NIBAN2: variants seen among roughly 807,000 people sequenced by gnomAD.
NIBAN2 encodes the protein protein Niban 2.
NIBAN2 carries 36 observed loss-of-function variants against 81.8 expected under a neutral mutation model. The ratio of observed to expected loss-of-function variants is 0.44; its 90% confidence interval spans 0.34 to 0.58. NIBAN2 has a LOEUF of 0.58. Among genes scored for constraint, NIBAN2 ranks in the 20% least tolerant of loss-of-function variants. The pLI is 0.02. For missense variants in NIBAN2, 897 were observed against 1,014.1 expected (o/e 0.88, Z 1.57); for synonymous variants, 445 against 441.6 (o/e 1.01, Z -0.10).
intron 8 of NIBAN2, among the ~76,000 whole-genome samples, chr9:127,512,185 C>T (rs1836749608): frequency 6.6e-6 from 1 of 152,176 alleles, no homozygotes; most frequent in African/African-American, 2.4e-5. Context: ...AACTATTTGT[C>T]TCTTTTCTTC....
intron 8 of NIBAN2, among the ~76,000 whole-genome samples, chr9:127,513,276 T>C (rs1836768616): frequency 6.6e-6 from 1 of 151,798 alleles, no homozygotes; most frequent in Admixed American, 6.6e-5. Flanking sequence ...AGTAGAAAGA[T>C]GGTTACTAGA....
intron 1 of NIBAN2, among the ~76,000 whole-genome samples, chr9:127,556,210 C>T (rs1443432588): frequency 1.3e-5 from 2 of 152,228 alleles, no homozygotes; most frequent in African/African-American, 4.8e-5. Flanking sequence ...GGAATACAGG[C>T]AGGAGGAAGG....
intron 4 of NIBAN2, 150 bp from the exon 5 acceptor site, chr9:127,523,996 G>A: frequency 2.5e-6 from 2 of 785,236 alleles, no homozygotes; most frequent in Non-Finnish European, 4.0e-6. Context: ...AAGCCGGCGG[G>A]GGTGGGAGCA....
chr9:127,555,316 C>T (rs542432140), intron 1 of NIBAN2, among the ~76,000 whole-genome samples: 13 of 152,324 alleles, frequency 8.5e-5, no homozygotes, highest in African/African-American at 3.1e-4. Context: ...ACCACCCTTA[C>T]CAGCCCCCAT....
chr9:127,524,556 A>G (rs1274337659), intron 4 of NIBAN2, among the ~76,000 whole-genome samples: 1 of 152,166 alleles, frequency 6.6e-6, no homozygotes, highest in African/African-American at 2.4e-5. Flanking sequence ...AAACAAAGCC[A>G]GAGTCACGCT....
At chr9:127,514,026 T>C (rs1028219273) in intron 8 of NIBAN2, among the ~76,000 whole-genome samples, 1 of 152,186 alleles carries the variant, frequency 6.6e-6, no homozygotes, top group African/African-American at 2.4e-5. Flanking sequence ...CCCAGCACTT[T>C]GGGAGGCCGA....
At position 127,523,736 on chromosome 9, in the gene NIBAN2, C is replaced by A; in HGVS notation, c.532G>T (p.Ala178Ser). 6.2e-7 allele frequency: 1 copy of A among 1,614,048 alleles called. No individual in the cohort carries two copies. The highest frequency in any genetic ancestry group is 2.2e-5 in the East Asian group (1 of 44,870). The change falls in exon 5 of 14, where the codon GCC becomes TCC. Residue 178 changes from alanine (A) to serine (S), a missense_variant. By Grantham distance (99) the Ala-to-Ser change is moderately conservative. Around this residue, in one of 3 missense-constraint regions of NIBAN2, gnomAD observed 69 missense variants for 114.7 expected, o/e 0.60. Coordinates refer to ENST00000373312, the MANE Select transcript of NIBAN2 (RefSeq NM_022833.4). ...ACAGCCTGCCACTTGTCCTGCTCGGCTTCTGTCATCATGCAGAAGTAGTAG... is the reference window on the plus strand; with the variant it reads ...ACAGCCTGCCACTTGTCCTGCTCGGATTCTGTCATCATGCAGAAGTAGTAG... ...RHYYFCMMTE[A>S]EQDKWQAVLQ...
upstream of NIBAN2, chr9:127,579,001 G>C (rs890069611): frequency 7.0e-7 from 1 of 1,437,876 alleles, no homozygotes; most frequent in African/African-American, 1.4e-5. Flanking sequence ...CTCCTAGCAC[G>C]TCCTTGAGAG....
chr9:127,507,973 C>A lies in NIBAN2; in HGVS notation c.1548G>T (p.Leu516=). The change falls in exon 13 of 14, where the codon CTG becomes CTT. Residue 516 remains leucine (L), a synonymous_variant. Transcript: ENST00000373312. The surrounding 1 kb of genome is among the most constrained non-coding windows in gnomAD (Gnocchi z 6.8). ...KKLAPTCKSE[L]PRFQELIFED... ...CGAAGATCAGCTCCTGGAACCGGGG[C>A]AGCTCCTGCCCGGGTGGGGCGGCAG... The A allele has an allele frequency of 6.2e-7, 1 of 1,614,158 alleles. No individual in the cohort carries two copies. The highest frequency in any genetic ancestry group is 1.1e-5 in the South Asian group (1 of 91,084).
intron 1 of NIBAN2, among the ~76,000 whole-genome samples, chr9:127,544,800 G>C (rs535159130): frequency 1.3e-5 from 2 of 152,144 alleles, no homozygotes; most frequent in Non-Finnish European, 2.9e-5. Flanking sequence ...CACCGCACCC[G>C]GCCATGGCTG....
At position 127,559,269 on chromosome 9, in the gene NIBAN2, G is replaced by T. The variant is rs879452815; in HGVS notation, c.55+9551C>A. ...TTTCAGAGCAAGCTCTTCCTTCAAC[G>T]GCAAGATGGCCTCCTGCAATGTGGA... On this transcript the variant is annotated intron_variant, in intron 1 of 13. Coordinates refer to ENST00000373312, the MANE Select transcript of NIBAN2 (RefSeq NM_022833.4). This position sits in a 1 kb window ranked among gnomAD's most constrained non-coding sequence, Gnocchi z 4.0. Among the ~76,000 whole-genome samples the T allele has an allele frequency of 6.6e-6, 1 of 152,194 alleles. No individual in the cohort carries two copies. The highest frequency in any genetic ancestry group is 1.5e-5 in the Non-Finnish European group (1 of 68,028).
At chr9:127,567,479 G>A (rs571980979) in intron 1 of NIBAN2, among the ~76,000 whole-genome samples, 13 of 152,254 alleles carry the variant, frequency 8.5e-5, no homozygotes, top group African/African-American at 2.9e-4. Context: ...CCAGCCCCAG[G>A]CCTGGCACAA....
intron 1 of NIBAN2, among the ~76,000 whole-genome samples, chr9:127,547,652 A>T (rs916190511): frequency 5.9e-5 from 9 of 152,070 alleles, no homozygotes; most frequent in African/African-American, 2.2e-4. Context: ...AACCTGACCA[A>T]CATGGAGAAA....
chr9:127,571,521 C>T (rs1444180196), upstream of NIBAN2, among the ~76,000 whole-genome samples: 2 of 152,072 alleles, frequency 1.3e-5, no homozygotes, highest in East Asian at 1.9e-4. Context: ...CATGGTGAAA[C>T]CCCATCTCTA....
At chr9:127,561,360 C>G (rs958828478) in intron 1 of NIBAN2, 31 of 875,658 alleles carry the variant, frequency 3.5e-5, no homozygotes, top group Non-Finnish European at 4.1e-5. Context: ...CCAGACACAT[C>G]TCCCTGGGTG....
At chr9:127,547,659 G>C (rs376825371) in intron 1 of NIBAN2, among the ~76,000 whole-genome samples, 1 of 151,904 alleles carries the variant, frequency 6.6e-6, no homozygotes, top group Admixed American at 6.6e-5. Flanking sequence ...CCAACATGGA[G>C]AAACCCTGCC....
intron 1 of NIBAN2, among the ~76,000 whole-genome samples, chr9:127,576,890 A>G (rs1838016413): frequency 6.6e-6 from 1 of 151,238 alleles, no homozygotes; most frequent in South Asian, 2.1e-4. Context: ...ACGGGGTTTC[A>G]CCATGTTGAC....
In NIBAN2 at chr9:127,508,373, G is replaced by A. The variant is rs771086814; in HGVS notation, c.1434+49C>T. The A allele has an allele frequency of 5.6e-5, 84 of 1,496,874 alleles. No individual in the cohort carries two copies. Among genetic ancestry groups the A allele is most frequent in the Non-Finnish European group, 7.3e-5 (79 of 1,085,058 alleles). 92.7% of individuals were successfully genotyped at this position (1,496,874 alleles called of 1,614,324 possible). The stretch of plus-strand genomic sequence containing the variant: ...GGTGGTGGCCGGGGATGAGGCTCGG[G>A]GCTCGGCCTCGCCTAGGACGGTCCG... On this transcript the variant is annotated intron_variant, in intron 11 of 13. Coordinates refer to ENST00000373312, the MANE Select transcript of NIBAN2 (RefSeq NM_022833.4). The surrounding 1 kb of genome is among the most constrained non-coding windows in gnomAD (Gnocchi z 6.4).
intron 1 of NIBAN2, among the ~76,000 whole-genome samples, chr9:127,534,098 G>A (rs567356989): frequency 1.3e-5 from 2 of 152,338 alleles, no homozygotes; most frequent in South Asian, 4.1e-4. Flanking sequence ...TGCAGCTCGC[G>A]TCCCAACTGG....
Sources: allele counts gnomAD v4.1 joint callset (sites outside exome capture counted in the v4.1 genomes callset), GRCh38; gene constraint gnomAD v4.1.1; regional missense constraint gnomAD v4.1.1; non-coding constraint Gnocchi (gnomAD v3.1); transcripts MANE v1.5; gene names NCBI Gene and HGNC (gene_info 2026-07-23, HGNC 2026-07-21).